The following GRK5 variants were observed in gnomAD, a reference collection of about 807,000 sequenced individuals.
GRK5 encodes G protein-coupled receptor kinase 5.
A neutral mutation model predicts 78.4 loss-of-function variants in GRK5; 40 were observed. That is an observed-to-expected ratio of 0.51 (90% CI 0.40 to 0.66). The LOEUF (loss-of-function observed/expected upper bound fraction) is 0.66. GRK5 is among the 30% of genes least tolerant of loss of function. The pLI is 0.00. For synonymous variants in GRK5, 289 were observed against 296.8 expected (o/e 0.97, Z 0.27); for missense variants, 598 against 759.9 (o/e 0.79, Z 2.50).
At chr10:119,343,514 G>GTCCAC (rs1851019754) in intron 2 of GRK5, among the ~76,000 whole-genome samples, 2 of 152,248 alleles carry the variant, frequency 1.3e-5, no homozygotes, top group African/African-American at 4.8e-5. Context: ...GAAGGAAGTG[G>GTCCAC]AGCCTGGATT....
rs1347524827 is a variant in GRK5, at chr10:119,337,039, T to C, written c.148+10428T>C. Among the ~76,000 whole-genome samples, 3 of 151,904 alleles carry C rather than the reference T, an allele frequency of 2.0e-5. 1 individual carries two copies. Among genetic ancestry groups the C allele is most frequent in the South Asian group, 4.2e-4 (2 of 4,806 alleles). ...TTGTTTGGACAGTCTTAGAATGGAG[T>C]GGTGGCAGGGATTTTACAGATCACC... On this transcript the variant is annotated intron_variant, in intron 2 of 15. Coordinates refer to ENST00000392870, the MANE Select transcript of GRK5 (RefSeq NM_005308.3).
rs527710031 is a variant in GRK5 at position 119,237,409 on chromosome 10, C to T, written c.52+29440C>T. Among the ~76,000 whole-genome samples, 11 of 152,290 alleles carry T rather than the reference C, an allele frequency of 7.2e-5. No homozygotes were observed. The South Asian group carries it at 2.3e-3, about 32-fold the overall frequency. On this transcript the variant is annotated intron_variant, in intron 1 of 15. Transcript: ENST00000392870. ...AAGTGATCTAAAAAGAACAAATTCT[C>T]ATTTGAAAAAATAAGCACTATGGCC...
chr10:119,386,512 T>C (rs1851796667), intron 3 of GRK5, among the ~76,000 whole-genome samples: 1 of 152,182 alleles, frequency 6.6e-6, no homozygotes. Flanking sequence ...TCGTTCCCTC[T>C]CTCTGGGCCT....
rs1247545939 is a variant in GRK5, at chr10:119,253,606, T to C, written c.52+45637T>C. ...TTCAGCCCGGCGCACACCCAGCTCG[T>C]TTGGAGGTCACGGCTCACCATAAAA... is the stretch of plus-strand genomic sequence containing the variant. On this transcript the variant is annotated intron_variant, in intron 1 of 15. Transcript: ENST00000392870. The surrounding 1 kb of genome is among the most constrained non-coding windows in gnomAD (Gnocchi z 5.7). Among the ~76,000 whole-genome samples, 2 of 152,306 alleles carry C rather than the reference T, an allele frequency of 1.3e-5. No individual in the cohort carries two copies. The highest frequency in any genetic ancestry group is 1.3e-4 in the Admixed American group (2 of 15,302).
intron 1 of GRK5, among the ~76,000 whole-genome samples, chr10:119,302,056 G>A (rs535924478): frequency 6.6e-6 from 1 of 152,316 alleles, no homozygotes; most frequent in South Asian, 2.1e-4. Flanking sequence ...AGCATTCGTT[G>A]GCTTCCTGGA....
chr10:119,307,368 T>G (rs1008095672), intron 1 of GRK5, among the ~76,000 whole-genome samples: 1 of 152,106 alleles, frequency 6.6e-6, no homozygotes, highest in Non-Finnish European at 1.5e-5. Flanking sequence ...TAAAAGGGCC[T>G]TTTCAGATGT....
In GRK5 at chr10:119,336,755, A is replaced by G. The variant is rs1194601390; in HGVS notation, c.148+10144A>G. 1.3e-5 allele frequency among the ~76,000 whole-genome samples: 2 copies of G among 152,194 alleles called. No homozygotes were observed. The highest frequency in any genetic ancestry group is 2.9e-5 in the Non-Finnish European group (2 of 68,042). The stretch of plus-strand genomic sequence containing the variant: ...GTCCTTGGGGTGATAAGGGCGCGTC[A>G]TGTCTGTCGTTCTGCCACCTAGCCG... On this transcript the variant is annotated intron_variant, in intron 2 of 15. Coordinates refer to ENST00000392870, the MANE Select transcript of GRK5 (RefSeq NM_005308.3). The surrounding 1 kb of genome is among the most constrained non-coding windows in gnomAD (Gnocchi z 4.5).
chr10:119,416,269 G>C (rs758669683), intron 4 of GRK5, among the ~76,000 whole-genome samples: 1 of 152,254 alleles, frequency 6.6e-6, no homozygotes, highest in Non-Finnish European at 1.5e-5. Context: ...GTCATTCATG[G>C]TGCAGAGGCA....
intron 1 of GRK5, among the ~76,000 whole-genome samples, chr10:119,261,177 C>G (rs1283531942): frequency 6.6e-6 from 1 of 150,792 alleles, no homozygotes; most frequent in Non-Finnish European, 1.5e-5. Context: ...CCTCACTTCT[C>G]AAACGGGGCG....
rs560698667 is a variant in GRK5 at position 119,444,559 on chromosome 10, C to A, written c.1266+807C>A. Among the ~76,000 whole-genome samples the A allele has an allele frequency of 2.3e-4, 35 of 152,302 alleles. No homozygotes were observed. The South Asian group carries it at 7.2e-3, about 32-fold the overall frequency. On this transcript the variant is annotated intron_variant, in intron 12 of 15. Transcript: ENST00000392870. ...AGTCCAGCCCATGCCCCCTTGGGGC[C>A]CTCCTCCTTATGGTCCCCAGCACAG...
Position 119,423,191 on chromosome 10 carries a change from G to T in GRK5, c.365G>T (p.Gly122Val), listed in dbSNP as rs1374406715. 1 of 1,613,760 alleles carries T rather than the reference G, an allele frequency of 6.2e-7. No individual in the cohort carries two copies. Among genetic ancestry groups the T allele is most frequent in the Non-Finnish European group, 8.5e-7 (1 of 1,179,796 alleles). ...PKSPVFIAQV[G>V]QDLVSQTEEK... ...TCCCCTGTTTTCATAGCCCAAGTTG[G>T]CCAAGACCTGGTCTCCCAGACGGAG... The change falls in exon 5 of 16, where the codon GGC becomes GTC. Residue 122 changes from glycine (G) to valine (V), a missense_variant. Coordinates refer to ENST00000392870, the MANE Select transcript of GRK5 (RefSeq NM_005308.3).
chr10:119,327,011 T>C (rs931649389), intron 2 of GRK5, among the ~76,000 whole-genome samples: 13 of 151,848 alleles, frequency 8.6e-5, no homozygotes, highest in Admixed American at 8.5e-4. Context: ...CCACCGCTCA[T>C]AACTTCTCCC....
At chr10:119,329,224 T>C (rs1850726630) in intron 2 of GRK5, among the ~76,000 whole-genome samples, 1 of 152,204 alleles carries the variant, frequency 6.6e-6, no homozygotes, top group Non-Finnish European at 1.5e-5. Flanking sequence ...ATTCATGTGT[T>C]TCTCAAAAAT....
chr10:119,268,488 T>A (rs1849535880), intron 1 of GRK5, among the ~76,000 whole-genome samples: 1 of 152,204 alleles, frequency 6.6e-6, no homozygotes, highest in African/African-American at 2.4e-5. Context: ...AGACGAGGTG[T>A]GATTTAGTGG....
intron 1 of GRK5, among the ~76,000 whole-genome samples, chr10:119,279,422 T>C (rs1428849140): frequency 6.6e-6 from 1 of 152,210 alleles, no homozygotes; most frequent in African/African-American, 2.4e-5. Flanking sequence ...TGGATAGTTC[T>C]TCCCCTTGTG....
At chr10:119,358,198 G>T (rs1851296676) in intron 2 of GRK5, among the ~76,000 whole-genome samples, 1 of 152,166 alleles carries the variant, frequency 6.6e-6, no homozygotes, top group Non-Finnish European at 1.5e-5. Context: ...TGAGGGCAAG[G>T]GTGGCAGTGT....
intron 1 of GRK5, among the ~76,000 whole-genome samples, chr10:119,251,077 A>G (rs544803723): frequency 6.6e-6 from 1 of 152,000 alleles, no homozygotes; most frequent in East Asian, 1.9e-4. Context: ...TTCAATGACG[A>G]ACATTTGCAT....
intron 2 of GRK5, among the ~76,000 whole-genome samples, chr10:119,369,895 A>C (rs1589769019): frequency 6.7e-6 from 1 of 149,504 alleles, no homozygotes; most frequent in African/African-American, 2.5e-5. Context: ...CCCTCAGTCC[A>C]CCCCCACCCC....
At chr10:119,422,931 T>C (rs2133884208) in intron 4 of GRK5, among the ~76,000 whole-genome samples, 1 of 152,374 alleles carries the variant, frequency 6.6e-6, no homozygotes, top group Admixed American at 6.5e-5. Flanking sequence ...ATCCTGAACC[T>C]AGGCTCATTC....
Sources: gnomAD v4.1 joint callset for allele counts (sites outside exome capture counted in the v4.1 genomes callset) on GRCh38, gnomAD v4.1.1 for gene constraint, Gnocchi (gnomAD v3.1) non-coding constraint, MANE v1.5 for transcripts, NCBI Gene and HGNC (gene_info 2026-07-23, HGNC 2026-07-21) for gene names.